The following ACTR2 variants were observed in gnomAD, a reference collection of about 807,000 sequenced individuals.
The protein encoded by ACTR2 is actin-related protein 2.
A neutral mutation model predicts 50.2 loss-of-function variants in ACTR2; 5 were observed. The ratio of observed to expected loss-of-function variants is 0.10; its 90% CI spans 0.05 to 0.21. The LOEUF is 0.21. ACTR2 is among the 10% of genes least tolerant of loss of function. The probability of loss-of-function intolerance (pLI) is 1.00; values close to 1 mark genes in which losing one functional copy is unlikely to be tolerated. For missense variants in ACTR2, 180 were observed against 480.6 expected (o/e 0.37, Z 5.85); for synonymous variants, 140 against 162.9 (o/e 0.86, Z 1.07).
intron 1 of ACTR2, among the ~76,000 whole-genome samples, chr2:65,233,774 G>C (rs1472573589): frequency 1.3e-5 from 2 of 151,908 alleles, no homozygotes; most frequent in Admixed American, 1.3e-4. Flanking sequence ...ACCACGCCCA[G>C]CCAATTTTGT....
chr2:65,265,978 CAG>C (rs1415673642), intron 8 of ACTR2, among the ~76,000 whole-genome samples: 2 of 152,148 alleles, frequency 1.3e-5, no homozygotes, highest in African/African-American at 4.8e-5. Flanking sequence ...ATACATTAAA[CAG>C]ATTAACAGAC....
At chr2:65,246,814 C>A (rs1035986178) in intron 3 of ACTR2, 75 bp downstream of exon 3, 2 of 1,020,444 alleles carry the variant, frequency 2.0e-6, no homozygotes, top group Non-Finnish European at 2.9e-6. Context: ...CTTACTGTTG[C>A]TATGGATAAA....
rs751755650 is a variant in ACTR2, at chr2:65,268,514, G to A, written c.1015-50G>A. The A allele has an allele frequency of 3.3e-6, 5 of 1,533,642 alleles. No individual in the cohort carries two copies. The South Asian group carries it at 4.9e-5, about 15-fold the overall frequency. On this transcript the variant is annotated intron_variant, in intron 8 of 8. Transcript: ENST00000260641. Reference sequence around the variant, plus strand: ...TTTAAAAAGCCATTTTCATAAAGCAGAAAGCACTGTGCACATGTACCATTT... The same window carrying A: ...TTTAAAAAGCCATTTTCATAAAGCAAAAAGCACTGTGCACATGTACCATTT...
chr2:65,250,936 CA>C, intron 3 of ACTR2, 90 bp from the exon 4 acceptor site: 1 of 778,262 alleles, frequency 1.3e-6, no homozygotes. Flanking sequence ...CTATTTTGGG[CA>C]ATTAATTCAC....
intron 3 of ACTR2, among the ~76,000 whole-genome samples, chr2:65,248,515 A>G (rs185334206): frequency 1.3e-5 from 2 of 152,334 alleles, no homozygotes; most frequent in Admixed American, 1.3e-4. Flanking sequence ...ACAAGGAGGC[A>G]AAGATAGAAG....
intron 3 of ACTR2, among the ~76,000 whole-genome samples, chr2:65,247,927 G>A (rs12463661): frequency 0.52 from 78,955 of 151,932 alleles, 21,060 homozygotes; most frequent in East Asian, 0.79. Flanking sequence ...CAGGGTAAGT[G>A]AGTTAGCCAG....
chr2:65,264,849 T>C (rs1341867488), intron 7 of ACTR2, among the ~76,000 whole-genome samples, 194 bp from the exon 8 acceptor site: 2 of 152,242 alleles, frequency 1.3e-5, no homozygotes, highest in Admixed American at 6.5e-5. Context: ...ATCAAAATTA[T>C]GAAAAGATTT....
rs752116809 is a variant in ACTR2 at position 65,268,668 on chromosome 2, G to T, written c.1119G>T (p.Met373Ile). 2.5e-6 allele frequency: 4 copies of T among 1,614,030 alleles called. No homozygotes were observed. The highest frequency in any genetic ancestry group is 2.5e-6 in the Non-Finnish European group (3 of 1,179,960). The change falls in exon 9 of 9, where the codon ATG (methionine) becomes ATT (isoleucine). Residue 373 changes from methionine to isoleucine, a missense_variant. Coordinates refer to ENST00000260641, the MANE Select transcript of ACTR2 (RefSeq NM_005722.4). ...TGAAAGACAAAGACAACTTTTGGAT[G>T]ACCCGACAAGAGTACCAAGAAAAGG... is the stretch of plus-strand genomic sequence containing the variant. The part of the protein sequence containing the change: ...DIMKDKDNFW[M>I]TRQEYQEKGV...
chr2:65,248,660 A>G (rs1034266615), intron 3 of ACTR2, among the ~76,000 whole-genome samples: 2 of 152,170 alleles, frequency 1.3e-5, no homozygotes, highest in African/African-American at 4.8e-5. Context: ...ACGGTTCAAC[A>G]AAGAAGAGGG....
chr2:65,235,176 G>C (rs1671716350), intron 1 of ACTR2, among the ~76,000 whole-genome samples: 1 of 151,974 alleles, frequency 6.6e-6, no homozygotes, highest in African/African-American at 2.4e-5. Flanking sequence ...AGAGGTGTGT[G>C]TGTGTGTGTG....
At chr2:65,248,337 C>A (rs1254055492) in intron 3 of ACTR2, among the ~76,000 whole-genome samples, 1 of 151,698 alleles carries the variant, frequency 6.6e-6, no homozygotes, top group South Asian at 2.1e-4. Flanking sequence ...GAGGCAGATG[C>A]TGCAGTGAGC....
chr2:65,258,976 T>A (rs1288379713), intron 6 of ACTR2, among the ~76,000 whole-genome samples: 1 of 151,970 alleles, frequency 6.6e-6, no homozygotes, highest in Non-Finnish European at 1.5e-5. Flanking sequence ...CTTTTTTTTT[T>A]CTTTCTGTTT....
chr2:65,261,445 A>C, intron 7 of ACTR2, 53 bp downstream of exon 7: 1 of 1,489,356 alleles, frequency 6.7e-7, no homozygotes. Context: ...TCATAAAAAT[A>C]GTTTTAAAGT....
chr2:65,270,849 A>G lies in ACTR2; in HGVS notation c.*2115A>G, dbSNP rs1270026758. ...GTGACATAATGCATTTAAATTTGGG[A>G]TTTGGGTGGAGTATTATGTTTAACT... On this transcript the variant is annotated 3_prime_UTR_variant, in exon 9 of 9. Coordinates refer to ENST00000260641, the MANE Select transcript of ACTR2 (RefSeq NM_005722.4). The G allele has an allele frequency of 6.6e-6, 1 of 151,840 alleles. No individual in the cohort carries two copies. The highest frequency in any genetic ancestry group is 2.4e-5 in the African/African-American group (1 of 41,358). 9.4% of individuals were successfully genotyped at this position (151,840 alleles called of 1,614,324 possible). A position where few individuals can be genotyped will look rare whatever the true frequency, so the allele number is the denominator to read the frequency against.
Position 65,253,873 on chromosome 2 carries a change from A to G in ACTR2, c.585+9A>G, listed in dbSNP as rs990774220. On this transcript the variant is annotated intron_variant, in intron 5 of 8. Transcript: ENST00000260641. ...CTAGATATCTTATCAAGGTAAGTGA[A>G]AGGAAAATATCATGGAAATTAAATT... 2 of 1,605,926 alleles carry G rather than the reference A, an allele frequency of 1.2e-6. No individual in the cohort carries two copies. Among genetic ancestry groups the G allele is most frequent in the Non-Finnish European group, 1.7e-6 (2 of 1,174,124 alleles).
chr2:65,243,959 T>G (rs1199280481), intron 2 of ACTR2, among the ~76,000 whole-genome samples: 1 of 152,198 alleles, frequency 6.6e-6, no homozygotes, highest in African/African-American at 2.4e-5. Flanking sequence ...TAGGATTTTT[T>G]TATTAAAATT....
At chr2:65,265,245 C>CA in intron 8 of ACTR2, 70 bp downstream of exon 8, 5 of 1,566,172 alleles carry the variant, frequency 3.2e-6, no homozygotes, top group Non-Finnish European at 3.5e-6. Context: ...TGAATCTTGA[C>CA]AACCACCAGA....
chr2:65,259,866 TATGAG>T lies in ACTR2; in HGVS notation c.736-1379_736-1375del, dbSNP rs547140718. Among the ~76,000 whole-genome samples the T allele has an allele frequency of 5.1e-3, 778 of 152,348 alleles. 9 individuals are homozygous for T. The highest frequency in any genetic ancestry group is 0.018 in the African/African-American group (746 of 41,570). On this transcript the variant is annotated intron_variant, in intron 6 of 8. Coordinates refer to ENST00000260641, the MANE Select transcript of ACTR2 (RefSeq NM_005722.4). ...GACAATCCAGTGAATTGTGAGGTGT[TATGAG>T]AGGAAGTTTCTACTTAACACTTCTC...
chr2:65,249,155 G>A (rs1469867275), intron 3 of ACTR2, among the ~76,000 whole-genome samples: 1 of 152,170 alleles, frequency 6.6e-6, no homozygotes, highest in Non-Finnish European at 1.5e-5. Flanking sequence ...TATATATGAA[G>A]TAGAAATTTA....
Sources: gnomAD v4.1 joint callset for allele counts (sites outside exome capture counted in the v4.1 genomes callset) on GRCh38, gnomAD v4.1.1 for gene constraint, MANE v1.5 for transcripts, NCBI Gene and HGNC (gene_info 2026-07-23, HGNC 2026-07-21) for gene names.